The following NDE1 variants were observed in gnomAD, a reference collection of about 807,000 sequenced individuals.
NDE1 encodes the protein nudE neurodevelopment protein 1.
A neutral mutation model predicts 43.4 loss-of-function variants in NDE1; 28 were observed. The observed-to-expected ratio is 0.65, with a 90% confidence interval of 0.48 to 0.89. NDE1 has a LOEUF of 0.89. NDE1 is among the 40% of genes least tolerant of loss of function. NDE1 has a pLI of 0.00. For missense variants in NDE1, 441 were observed against 434.1 expected (o/e 1.02, Z -0.14); for synonymous variants, 184 against 172.0 (o/e 1.07, Z -0.55).
intron 4 of NDE1, chr16:15,686,956 C>T (rs1230162546): frequency 1.0e-6 from 1 of 984,552 alleles, no homozygotes; most frequent in African/African-American, 1.7e-5. Flanking sequence ...CTCGGCCTCC[C>T]AAAGGGCTGG....
chr16:15,683,047 G>C (rs2038263057), intron 4 of NDE1, among the ~76,000 whole-genome samples: 1 of 151,628 alleles, frequency 6.6e-6, no homozygotes, highest in African/African-American at 2.4e-5. Flanking sequence ...GGGTCACACA[G>C]TGTTTCCCAG....
At chr16:15,707,213 T>C (rs930642074) in intron 8 of NDE1, among the ~76,000 whole-genome samples, 1 of 152,108 alleles carries the variant, frequency 6.6e-6, no homozygotes, top group Non-Finnish European at 1.5e-5. Context: ...ATTTTTGTAT[T>C]TTTAGGAGAG....
chr16:15,714,972 T>C, intron 8 of NDE1: 1 of 1,614,102 alleles, frequency 6.2e-7, no homozygotes, highest in Non-Finnish European at 8.5e-7. Flanking sequence ...CGTGGCCTCA[T>C]CCAGCTCCCG....
At chr16:15,650,703 C>G (rs1329822807) in intron 1 of NDE1, among the ~76,000 whole-genome samples, 1 of 152,136 alleles carries the variant, frequency 6.6e-6, no homozygotes, top group East Asian at 1.9e-4. Flanking sequence ...TCTTTCTCCT[C>G]TTCCTTCCTC....
intron 7 of NDE1, chr16:15,695,667 A>G: frequency 2.0e-6 from 2 of 985,392 alleles, no homozygotes; most frequent in Non-Finnish European, 2.4e-6. Context: ...ACTCCTACCA[A>G]GTTGTCACTG....
At chr16:15,648,031 TCA>T (rs1491371936), upstream of NDE1, among the ~76,000 whole-genome samples, 356 of 97,688 alleles carry the variant, frequency 3.6e-3, 1 homozygote, top group African/African-American at 0.013. Flanking sequence ...AGACTCTGTC[TCA>T]CAAAAAAAAA....
chr16:15,695,391 C>G, intron 7 of NDE1: 4 of 615,460 alleles, frequency 6.5e-6, no homozygotes, highest in Non-Finnish European at 8.1e-6. Flanking sequence ...ACCTGCGATC[C>G]CAGCTACTTG....
chr16:15,691,468 A>G lies in NDE1; in HGVS notation c.703+145A>G, dbSNP rs368575096. The G allele has an allele frequency of 1.1e-4, 102 of 958,422 alleles. 2 individuals carry two copies. The highest frequency in any genetic ancestry group is 4.5e-4 in the East Asian group (17 of 38,160). 59.4% of individuals were successfully genotyped at this position (958,422 alleles called of 1,614,324 possible). A position where few individuals can be genotyped will look rare whatever the true frequency, so the allele number is the denominator to read the frequency against. Reference sequence around the variant, plus strand: ...GGCTTTGAGCAGAGAGTAGACTGGGATGTTCTTGGGGATGGGCATTGAGAT... The same window carrying G: ...GGCTTTGAGCAGAGAGTAGACTGGGGTGTTCTTGGGGATGGGCATTGAGAT... On this transcript the variant is annotated intron_variant, in intron 6 of 8. Coordinates refer to ENST00000396354, the MANE Select transcript of NDE1 (RefSeq NM_017668.3).
chr16:15,671,192 G>T (rs188790512), intron 3 of NDE1, among the ~76,000 whole-genome samples: 4 of 152,064 alleles, frequency 2.6e-5, no homozygotes, highest in Admixed American at 2.0e-4. Flanking sequence ...ATCAAAATTT[G>T]TAAAGCTTCC....
chr16:15,706,916 T>A (rs1200602377), intron 8 of NDE1, among the ~76,000 whole-genome samples: 1 of 152,156 alleles, frequency 6.6e-6, no homozygotes, highest in African/African-American at 2.4e-5. Flanking sequence ...GATACTCTGT[T>A]TTGGCTGAAG....
At chr16:15,662,497 A>G (rs926117139) in intron 1 of NDE1, among the ~76,000 whole-genome samples, 8 of 150,146 alleles carry the variant, frequency 5.3e-5, no homozygotes, top group Admixed American at 1.3e-4. Context: ...GTTAGACAGG[A>G]TGGTCTCAAT....
intron 8 of NDE1, 30 bp downstream of exon 8, chr16:15,696,890 G>A (rs1169159374): frequency 1.9e-6 from 3 of 1,609,362 alleles, no homozygotes; most frequent in Non-Finnish European, 8.5e-7. Flanking sequence ...CCTCTCGCTG[G>A]CGGGGAGAAC....
At chr16:15,698,725 G>A (rs1046546408) in intron 8 of NDE1, among the ~76,000 whole-genome samples, 3 of 151,914 alleles carry the variant, frequency 2.0e-5, no homozygotes, top group African/African-American at 7.3e-5. Context: ...GCCGGGCATG[G>A]TCGCGGATGC....
intron 5 of NDE1, among the ~76,000 whole-genome samples, chr16:15,690,361 T>C (rs2038686673): frequency 7.8e-5 from 8 of 102,032 alleles, no homozygotes; most frequent in Non-Finnish European, 1.1e-4. Context: ...TTCTTTTTTT[T>C]TTTTTTTTTT....
intron 3 of NDE1, 113 bp downstream of exon 3, chr16:15,667,552 T>C (rs2037369078): frequency 3.8e-6 from 5 of 1,311,618 alleles, no homozygotes; most frequent in Non-Finnish European, 5.4e-6. Flanking sequence ...CCCAGGCCCA[T>C]GCTCATCTCT....
intron 1 of NDE1, among the ~76,000 whole-genome samples, chr16:15,658,022 A>G (rs1032872679): frequency 2.6e-5 from 4 of 152,224 alleles, no homozygotes; most frequent in Admixed American, 6.5e-5. Context: ...TGATTATCTC[A>G]TAACCTTAAA....
chr16:15,695,372 G>C, intron 7 of NDE1: 1 of 403,202 alleles, frequency 2.5e-6, no homozygotes, highest in Non-Finnish European at 3.4e-6. Context: ...GCCAGGAATG[G>C]TGGTGGGCAC....
In NDE1 at chr16:15,717,322, G is replaced by A. The variant is rs759322440; in HGVS notation, c.948-6869G>A. 4 of 1,610,218 alleles carry A rather than the reference G, an allele frequency of 2.5e-6. No individual in the cohort carries two copies. Among genetic ancestry groups the A allele is most frequent in the Admixed American group, 3.3e-5 (2 of 60,002 alleles). ...TCTTCTGGGCCGTGCTGCGCTCTGT[G>A]GCCAGCTCGTTGCTGAGCTGCTCGG... On this transcript the variant is annotated intron_variant, in intron 8 of 8. Transcript: ENST00000396354.
intron 3 of NDE1, among the ~76,000 whole-genome samples, chr16:15,676,292 C>G (rs1006730076): frequency 6.7e-6 from 1 of 149,806 alleles, no homozygotes; most frequent in African/African-American, 2.5e-5. Context: ...GTGGTGCAAC[C>G]TCCGCCTCCC....
Sources: gnomAD v4.1 joint callset for allele counts (sites outside exome capture counted in the v4.1 genomes callset) on GRCh38, gnomAD v4.1.1 for gene constraint, MANE v1.5 for transcripts, NCBI Gene and HGNC (gene_info 2026-07-23, HGNC 2026-07-21) for gene names.